PRKAR2B: variants seen among roughly 807,000 people sequenced by gnomAD.
PRKAR2B encodes cAMP-dependent protein kinase type II-beta regulatory subunit.
A neutral mutation model predicts 49.9 loss-of-function variants in PRKAR2B; 14 were observed. That is an observed-to-expected ratio of 0.28 (90% CI 0.19 to 0.44). The LOEUF (loss-of-function observed/expected upper bound fraction) is 0.44, where lower values mean the gene tolerates loss of function less well. Among genes scored for constraint, PRKAR2B ranks in the 20% least tolerant of loss-of-function variants. The pLI, the probability that PRKAR2B is intolerant of heterozygous loss-of-function variation, is 1.00. For synonymous variants in PRKAR2B, 196 were observed against 197.7 expected (o/e 0.99, Z 0.07); for missense variants, 393 against 537.9 (o/e 0.73, Z 2.67).
chr7:107,097,266 C>G (rs923661552), intron 2 of PRKAR2B, among the ~76,000 whole-genome samples: 2 of 151,976 alleles, frequency 1.3e-5, no homozygotes, highest in Non-Finnish European at 2.9e-5. Context: ...ATGTAATGGC[C>G]TTCTTTGTCT....
At chr7:107,078,215 AAAGAAAAAAG>A (rs1199512950) in intron 2 of PRKAR2B, 1 of 150,258 alleles carries the variant, frequency 6.7e-6, no homozygotes, top group African/African-American at 2.5e-5. Context: ...AAAAAAAAAA[AAAGAAAAAAG>A]AAAAGAAAAG....
At chr7:107,063,112 T>G (rs1436706268) in intron 1 of PRKAR2B, among the ~76,000 whole-genome samples, 2 of 152,192 alleles carry the variant, frequency 1.3e-5, no homozygotes, top group African/African-American at 4.8e-5. Flanking sequence ...TGAGCGATTC[T>G]CATGCCTCAG....
chr7:107,141,465 T>G (rs1795788608), intron 5 of PRKAR2B, among the ~76,000 whole-genome samples: 2 of 152,170 alleles, frequency 1.3e-5, no homozygotes, highest in South Asian at 4.1e-4. Flanking sequence ...CCGAGGCCAG[T>G]GGATCACTTG....
chr7:107,073,670 T>C (rs1794331228), intron 2 of PRKAR2B, among the ~76,000 whole-genome samples: 1 of 152,170 alleles, frequency 6.6e-6, no homozygotes, highest in Non-Finnish European at 1.5e-5. Flanking sequence ...AAACAGTACC[T>C]CATGGTCCCA....
At chr7:107,057,723 A>T (rs1406408607) in intron 1 of PRKAR2B, among the ~76,000 whole-genome samples, 1 of 152,162 alleles carries the variant, frequency 6.6e-6, no homozygotes, top group African/African-American at 2.4e-5. Context: ...TGAGAATTAA[A>T]TGAATTAACA....
chr7:107,127,381 C>T (rs1452434735), intron 3 of PRKAR2B, among the ~76,000 whole-genome samples: 1 of 152,236 alleles, frequency 6.6e-6, no homozygotes, highest in Non-Finnish European at 1.5e-5. Flanking sequence ...ACAAACTGTT[C>T]ATGTTCACAA....
At chr7:107,159,352 C>A (rs1796154435) in intron 10 of PRKAR2B, 97 bp from the exon 11 acceptor site, 1 of 1,121,176 alleles carries the variant, frequency 8.9e-7, no homozygotes, top group Non-Finnish European at 1.3e-6. Context: ...AATATCATTG[C>A]ACTATTGATA....
At chr7:107,089,513 C>G (rs532786991) in intron 2 of PRKAR2B, among the ~76,000 whole-genome samples, 2 of 152,286 alleles carry the variant, frequency 1.3e-5, no homozygotes, top group South Asian at 4.1e-4. Context: ...AAAGTTGTTT[C>G]CATGTATCAG....
intron 2 of PRKAR2B, among the ~76,000 whole-genome samples, chr7:107,082,457 C>G (rs554488783): frequency 1.4e-4 from 21 of 151,900 alleles, no homozygotes; most frequent in Non-Finnish European, 2.8e-4. Flanking sequence ...ATTGAAAGCT[C>G]TTCTTAGAAT....
At chr7:107,119,446 G>A (rs1322801445) in intron 2 of PRKAR2B, among the ~76,000 whole-genome samples, 1 of 152,066 alleles carries the variant, frequency 6.6e-6, no homozygotes, top group Non-Finnish European at 1.5e-5. Context: ...GTTTTGTTTT[G>A]TTTTGTTTTT....
intron 3 of PRKAR2B, 94 bp from the exon 4 acceptor site, chr7:107,128,118 A>G: frequency 2.5e-6 from 2 of 800,402 alleles, no homozygotes; most frequent in Non-Finnish European, 4.1e-6. Context: ...TCTTCTTTCT[A>G]ATGTTGGTTC....
chr7:107,077,129 G>C (rs1464449642), intron 2 of PRKAR2B: 1 of 152,102 alleles, frequency 6.6e-6, no homozygotes, highest in Non-Finnish European at 1.5e-5. Context: ...TATAATTATA[G>C]TTACATTCAT....
chr7:107,101,875 CTTTTT>C (rs10589473), intron 2 of PRKAR2B, among the ~76,000 whole-genome samples: 1 of 94,256 alleles, frequency 1.1e-5, no homozygotes, highest in Non-Finnish European at 2.0e-5. Flanking sequence ...AGCCCTGATC[CTTTTT>C]TTTTTTTTTT....
chr7:107,061,072 T>A (rs960900560), intron 1 of PRKAR2B, among the ~76,000 whole-genome samples: 4 of 152,196 alleles, frequency 2.6e-5, no homozygotes, highest in Non-Finnish European at 5.9e-5. Context: ...GTGAATGTAC[T>A]TCAAGCTTCT....
At chr7:107,126,569 G>A (rs1428036435) in intron 3 of PRKAR2B, among the ~76,000 whole-genome samples, 2 of 152,118 alleles carry the variant, frequency 1.3e-5, no homozygotes, top group Non-Finnish European at 2.9e-5. Flanking sequence ...AGCGAAGCAG[G>A]TGCACGATAC....
rs920448046 is a variant in PRKAR2B, at chr7:107,088,641, C to A, written c.343+18325C>A. 3.9e-5 allele frequency among the ~76,000 whole-genome samples: 6 copies of A among 152,044 alleles called. No individual in the cohort carries two copies. In the South Asian group the frequency reaches 1.2e-3, roughly 32 times the overall value. ...TTTCGAGACACTCTTGCTCTGTTTC[C>A]CAGGCTGGAGTGCAGTGGTGTGATC... is the stretch of plus-strand genomic sequence containing the variant. On this transcript the variant is annotated intron_variant, in intron 2 of 10. Coordinates refer to ENST00000265717, the MANE Select transcript of PRKAR2B (RefSeq NM_002736.3).
chr7:107,045,220 G>T lies in PRKAR2B; in HGVS notation c.307+6G>T, dbSNP rs1179235714. The T allele has an allele frequency of 7.1e-7, 1 of 1,415,466 alleles. No homozygotes were observed. Among genetic ancestry groups the T allele is most frequent in the East Asian group, 2.8e-5 (1 of 36,312 alleles). 87.7% of individuals were successfully genotyped at this position (1,415,466 alleles called of 1,614,324 possible). On this transcript the variant is annotated splice_donor_region_variant and intron_variant, in intron 1 of 10. Coordinates refer to ENST00000265717, the MANE Select transcript of PRKAR2B (RefSeq NM_002736.3). ...GGACGCAGGGGCGTTCAATGGTGAGGACCAGACCCCCCACTTCGCGCCCCC... is the reference window on the plus strand; with the variant it reads ...GGACGCAGGGGCGTTCAATGGTGAGTACCAGACCCCCCACTTCGCGCCCCC...
chr7:107,093,993 G>A (rs1794787181), intron 2 of PRKAR2B, among the ~76,000 whole-genome samples: 1 of 152,160 alleles, frequency 6.6e-6, no homozygotes, highest in Non-Finnish European at 1.5e-5. Flanking sequence ...TGTCTTTATA[G>A]CAGCATGATT....
intron 8 of PRKAR2B, among the ~76,000 whole-genome samples, chr7:107,156,663 G>A (rs151115695): frequency 1.6e-3 from 242 of 152,070 alleles, no homozygotes; most frequent in African/African-American, 5.3e-3. Flanking sequence ...TAAATTAGCC[G>A]GGCGTGGTGG....
Sources: allele counts gnomAD v4.1 joint callset (sites outside exome capture counted in the v4.1 genomes callset), GRCh38; gene constraint gnomAD v4.1.1; transcripts MANE v1.5; gene names NCBI Gene and HGNC (gene_info 2026-07-23, HGNC 2026-07-21).